The following CAPN5 variants were observed in gnomAD, a reference collection of about 807,000 sequenced individuals.
CAPN5 encodes calpain-5.
Under a neutral mutation model 73.0 loss-of-function variants are expected in CAPN5, and 54 were observed. That is an observed-to-expected ratio of 0.74 (90% CI 0.59 to 0.93). The LOEUF (loss-of-function observed/expected upper bound fraction) is 0.93. Among genes scored for constraint, CAPN5 ranks in the 40% least tolerant of loss-of-function variants. CAPN5 has a pLI of 0.00. For missense variants in CAPN5, 785 were observed against 882.9 expected (o/e 0.89, Z 1.41); for synonymous variants, 335 against 356.9 (o/e 0.94, Z 0.69).
rs535220964 is a variant in CAPN5, at chr11:77,123,556, A to G, written c.1741-132A>G. 3 of 738,668 alleles carry G rather than the reference A, an allele frequency of 4.1e-6. No individual in the cohort carries two copies. In the South Asian group the frequency reaches 5.2e-5, roughly 13 times the overall value. 45.8% of individuals were successfully genotyped at this position (738,668 alleles called of 1,614,324 possible). A position where few individuals can be genotyped will look rare whatever the true frequency, so the allele number is the denominator to read the frequency against. On this transcript the variant is annotated intron_variant, in intron 12 of 12. Transcript: ENST00000648180. ...GCCCGTAGTTCATGGGGAGGCAGAC[A>G]GCCCAGGGCCCCCGATCCTCAGCCA...
intron 4 of CAPN5, among the ~76,000 whole-genome samples, chr11:77,113,876 T>G (rs1555041158): frequency 6.6e-6 from 1 of 152,248 alleles, no homozygotes; most frequent in Admixed American, 6.5e-5. Context: ...ATCACAGTGC[T>G]ATGGGCCATC....
intron 8 of CAPN5, among the ~76,000 whole-genome samples, 170 bp downstream of exon 8, chr11:77,118,522 G>T (rs1205724479): frequency 6.6e-6 from 1 of 152,214 alleles, no homozygotes; most frequent in African/African-American, 2.4e-5. Flanking sequence ...CCATCTGGGG[G>T]TCATGAAGCC....
intron 2 of CAPN5, 141 bp downstream of exon 2, chr11:77,085,192 G>A: frequency 1.4e-6 from 1 of 713,996 alleles, no homozygotes. Context: ...GAAACGGTGG[G>A]ATTTGATCCG....
intron 1 of CAPN5, among the ~76,000 whole-genome samples, chr11:77,077,816 A>G (rs1028832269): frequency 6.6e-6 from 1 of 152,162 alleles, no homozygotes; most frequent in Non-Finnish European, 1.5e-5. Context: ...CGCCCAGCCA[A>G]TGTTGAGCAT....
intron 3 of CAPN5, among the ~76,000 whole-genome samples, chr11:77,111,486 T>C (rs1226431566): frequency 6.6e-6 from 1 of 152,076 alleles, no homozygotes; most frequent in Non-Finnish European, 1.5e-5. Flanking sequence ...TACTCAGAGG[T>C]TATTGTGATA....
chr11:77,072,939 C>T, intron 1 of CAPN5: 1 of 434,696 alleles, frequency 2.3e-6, no homozygotes. Flanking sequence ...GCTCACACAG[C>T]ACAGTGAGGC....
At chr11:77,115,265 A>T (rs1185401194) in intron 5 of CAPN5, 130 bp from the exon 6 acceptor site, 19 of 692,106 alleles carry the variant, frequency 2.7e-5, no homozygotes, top group Non-Finnish European at 4.3e-5. Flanking sequence ...TGAACACAGC[A>T]CTGCCCCATG....
At chr11:77,073,280 T>C (rs1555033411) in intron 1 of CAPN5, 10 of 394,754 alleles carry the variant, frequency 2.5e-5, no homozygotes, top group Non-Finnish European at 3.4e-5. Context: ...TCCACAAGTG[T>C]GGCCAGGTCC....
chr11:77,099,667 C>T (rs1950262717), intron 3 of CAPN5, among the ~76,000 whole-genome samples: 1 of 149,776 alleles, frequency 6.7e-6, no homozygotes, highest in Admixed American at 6.7e-5. Context: ...GAGATGGCAG[C>T]AGTACAGTCC....
chr11:77,070,368 C>T (rs1401747947), intron 1 of CAPN5, among the ~76,000 whole-genome samples: 1 of 152,226 alleles, frequency 6.6e-6, no homozygotes, highest in African/African-American at 2.4e-5. Flanking sequence ...GCTTGACCCA[C>T]CTGCCCTGCC....
At chr11:77,070,016 G>A (rs1024740231) in intron 1 of CAPN5, among the ~76,000 whole-genome samples, 3 of 152,192 alleles carry the variant, frequency 2.0e-5, no homozygotes, top group East Asian at 1.9e-4. Flanking sequence ...GTCCCTTTGC[G>A]GTTGGAATCT....
chr11:77,112,812 C>T lies in CAPN5; in HGVS notation c.506+15C>T, dbSNP rs1950425629. ...GCCTATGCCAAGTAGGTGCCAGCAG[C>T]AGGCAGGTGGGTGGGAGGCCCAGAC... On this transcript the variant is annotated intron_variant, in intron 4 of 12. Transcript: ENST00000648180. 6.2e-7 allele frequency: 1 copy of T among 1,613,024 alleles called. No individual in the cohort carries two copies. The highest frequency in any genetic ancestry group is 1.1e-5 in the South Asian group (1 of 90,970).
intron 3 of CAPN5, 125 bp from the exon 4 acceptor site, chr11:77,112,464 G>T: frequency 1.4e-6 from 1 of 728,362 alleles, no homozygotes; most frequent in South Asian, 1.7e-5. Context: ...TTGTGGCAGA[G>T]TTGGAATCCG....
chr11:77,084,636 C>T (rs960421881), intron 1 of CAPN5, among the ~76,000 whole-genome samples: 37 of 152,144 alleles, frequency 2.4e-4, no homozygotes, highest in Non-Finnish European at 7.4e-5. Context: ...CCTGGTATCG[C>T]CTCTGAGCTT....
At chr11:77,105,525 T>G (rs73493642) in intron 3 of CAPN5, among the ~76,000 whole-genome samples, 1 of 152,140 alleles carries the variant, frequency 6.6e-6, no homozygotes, top group Non-Finnish European at 1.5e-5. Context: ...CGAGTCTCCC[T>G]GCCTTGCAGG....
intron 11 of CAPN5, 46 bp from the exon 12 acceptor site, chr11:77,122,530 A>AGCCCCCCCCCCCCCCCCCCCCCCCAC: frequency 1.1e-6 from 1 of 943,196 alleles, no homozygotes; most frequent in East Asian, 3.1e-5. Flanking sequence ...GCCCTGCCAC[A>AGCCCCCCCCCCCCCCCCCCCCCCCAC]GCCCCCACCC....
At chr11:77,087,875 G>A (rs953525305) in intron 2 of CAPN5, 12 of 1,533,868 alleles carry the variant, frequency 7.8e-6, no homozygotes, top group African/African-American at 5.5e-5. Flanking sequence ...CTTGGGTGCC[G>A]ACCTGGGCAC....
At chr11:77,083,087 G>A (rs928630899) in intron 1 of CAPN5, among the ~76,000 whole-genome samples, 1 of 152,114 alleles carries the variant, frequency 6.6e-6, no homozygotes, top group African/African-American at 2.4e-5. Context: ...GGTGGGAGGG[G>A]GCAGGGCTGC....
intron 1 of CAPN5, among the ~76,000 whole-genome samples, chr11:77,081,100 T>C (rs1950023125): frequency 6.6e-6 from 1 of 152,174 alleles, no homozygotes; most frequent in African/African-American, 2.4e-5. Context: ...AGCCATTTTG[T>C]AGATGGGAAC....
Sources: gnomAD v4.1 joint callset for allele counts (sites outside exome capture counted in the v4.1 genomes callset) on GRCh38, gnomAD v4.1.1 for gene constraint, MANE v1.5 for transcripts, NCBI Gene and HGNC (gene_info 2026-07-23, HGNC 2026-07-21) for gene names.